CRACD: variants seen among roughly 807,000 people sequenced by gnomAD.
CRACD encodes the protein capping protein inhibiting regulator of actin dynamics.
In CRACD, 56 loss-of-function variants were observed where a neutral mutation model predicts 106.8. The observed-to-expected ratio is 0.52, with a 90% CI of 0.42 to 0.66. CRACD has a LOEUF of 0.66. Among genes scored for constraint, CRACD ranks in the 30% least tolerant of loss-of-function variants. The pLI is 0.00. For synonymous variants in CRACD, 754 were observed against 670.8 expected, an observed-to-expected ratio of 1.12 and a Z score of -1.92; for missense variants, 1,730 against 1,623.2, an observed-to-expected ratio of 1.07 and a Z score of -1.13.
At chr4:56,301,197 C>A (rs1212161558) in intron 4 of CRACD, 2 of 1,281,496 alleles carry the variant, frequency 1.6e-6, no homozygotes, top group Non-Finnish European at 2.0e-6. Context: ...ACTGAATCAT[C>A]CCCAAAAAGA....
intron 2 of CRACD, among the ~76,000 whole-genome samples, chr4:56,200,949 T>G (rs763186041): frequency 6.6e-6 from 1 of 152,196 alleles, no homozygotes; most frequent in Non-Finnish European, 1.5e-5. Context: ...AAATTTACTT[T>G]TAAAAAATGA....
intron 4 of CRACD, among the ~76,000 whole-genome samples, chr4:56,301,607 C>T (rs1034345321): frequency 6.6e-5 from 10 of 152,000 alleles, no homozygotes; most frequent in African/African-American, 2.2e-4. Flanking sequence ...CCCAGCCCTT[C>T]GAGTTCCTAG....
intron 1 of CRACD, among the ~76,000 whole-genome samples, chr4:56,150,926 G>T (rs371237895): frequency 6.6e-6 from 1 of 152,128 alleles, no homozygotes; most frequent in African/African-American, 2.4e-5. Context: ...AGATAGTGCC[G>T]AACAGTTGTC....
At chr4:56,205,013 G>A (rs1181081523) in intron 2 of CRACD, among the ~76,000 whole-genome samples, 1 of 152,028 alleles carries the variant, frequency 6.6e-6, no homozygotes, top group Non-Finnish European at 1.5e-5. Context: ...AAACTTAACC[G>A]GGTGTGGTGG....
At position 56,175,763 on chromosome 4, in the gene CRACD, G is replaced by A. The variant is rs78281275; in HGVS notation, c.-335-3521G>A. ...TTTCTCTTCGTTTGTTGTTTTCCTC[G>A]CTATGCAGAAGCTTTTTAGCTCAAT... On this transcript the variant is annotated intron_variant, in intron 1 of 10. Transcript: ENST00000682029. Among the ~76,000 whole-genome samples, 991 of 152,110 alleles carry A rather than the reference G, an allele frequency of 6.5e-3. 9 individuals carry two copies. Among genetic ancestry groups the A allele is most frequent in the African/African-American group, 0.022 (933 of 41,502 alleles).
chr4:56,295,637 C>A lies in CRACD; in HGVS notation c.-16-2577C>A, dbSNP rs1277473380. ...GCCTAGCACTGGTGTATTCTGTACA[C>A]ACAACTGTGAGAAATTAGTAAACAT... On this transcript the variant is annotated intron_variant, in intron 3 of 10. Transcript: ENST00000682029. Among the ~76,000 whole-genome samples the A allele has an allele frequency of 2.1e-5, 3 of 142,638 alleles. 1 individual carries two copies. The highest frequency in any genetic ancestry group is 4.5e-5 in the Non-Finnish European group (3 of 66,508). The allele number at this position is 142,638 out of a possible 152,430, so 93.6% of individuals were successfully genotyped here. A position where few individuals can be genotyped will look rare whatever the true frequency, so the allele number is the denominator to read the frequency against.
chr4:56,085,722 C>A (rs1733194342), intron 1 of CRACD, among the ~76,000 whole-genome samples: 1 of 152,146 alleles, frequency 6.6e-6, no homozygotes, highest in Admixed American at 6.5e-5. Flanking sequence ...TGCCCCCTTG[C>A]CTTCATTGGC....
chr4:56,224,840 T>G (rs1739217441), intron 2 of CRACD, among the ~76,000 whole-genome samples: 1 of 152,230 alleles, frequency 6.6e-6, no homozygotes, highest in Admixed American at 6.5e-5. Flanking sequence ...AGCACAAGAC[T>G]GCTCCTGGAA....
rs373757224 is a variant in CRACD at position 56,315,290 on chromosome 4, T to C, written c.1788T>C (p.Ile596=). 86 of 1,613,330 alleles carry C rather than the reference T, an allele frequency of 5.3e-5. No homozygotes were observed. Among genetic ancestry groups the C allele is most frequent in the Non-Finnish European group, 7.0e-5 (83 of 1,179,846 alleles). Residue 596 remains isoleucine (I), a synonymous_variant, in exon 8 of 11, where the codon ATT becomes ATC. Transcript: ENST00000682029. The surrounding 1 kb of genome is among the most constrained non-coding windows in gnomAD (Gnocchi z 4.1). Reference sequence around the variant, plus strand: ...CCCTGAGCGTTCCCCACACCGCCATTCTGGTCACGGGCGCGCAGCTCTGTG... The same window carrying C: ...CCCTGAGCGTTCCCCACACCGCCATCCTGGTCACGGGCGCGCAGCTCTGTG... ...PSSLSVPHTA[I]LVTGAQLCGP...
At chr4:56,244,746 AC>A (rs1239891482) in intron 2 of CRACD, among the ~76,000 whole-genome samples, 1 of 152,238 alleles carries the variant, frequency 6.6e-6, no homozygotes, top group African/African-American at 2.4e-5. Context: ...GGCCTCCAGG[AC>A]CCTGCCCAGC....
At chr4:56,269,762 A>G (rs2109640585) in intron 2 of CRACD, among the ~76,000 whole-genome samples, 1 of 152,018 alleles carries the variant, frequency 6.6e-6, no homozygotes, top group South Asian at 2.1e-4. Context: ...TTAAGCAACC[A>G]GATCTCACAA....
At chr4:56,284,292 T>TAAAAAA (rs59270238) in intron 3 of CRACD, among the ~76,000 whole-genome samples, 512 of 45,460 alleles carry the variant, frequency 0.011, 64 homozygotes, top group African/African-American at 0.026. Context: ...CATCCTAAAG[T>TAAAAAA]AAAAAAAAAA....
At chr4:56,192,691 C>G (rs1737431771) in intron 2 of CRACD, among the ~76,000 whole-genome samples, 1 of 151,862 alleles carries the variant, frequency 6.6e-6, no homozygotes, top group South Asian at 2.1e-4. Flanking sequence ...AGAAAAAAAA[C>G]CATAAACATT....
chr4:56,231,900 T>C (rs1739643397), intron 2 of CRACD, among the ~76,000 whole-genome samples: 1 of 152,224 alleles, frequency 6.6e-6, no homozygotes, highest in South Asian at 2.1e-4. Context: ...AGCTATAAAA[T>C]GGACCTTCCA....
At chr4:56,066,008 C>T (rs1732455032) in intron 1 of CRACD, among the ~76,000 whole-genome samples, 1 of 152,196 alleles carries the variant, frequency 6.6e-6, no homozygotes, top group Non-Finnish European at 1.5e-5. Flanking sequence ...GTGGTAGCAT[C>T]TATCAGAACT....
intron 1 of CRACD, among the ~76,000 whole-genome samples, chr4:56,115,770 T>C (rs1040181767): frequency 1.3e-5 from 2 of 152,176 alleles, no homozygotes; most frequent in Middle Eastern, 3.2e-3. Flanking sequence ...AAACTTCCTT[T>C]CTTACTAGAA....
chr4:56,226,663 A>G (rs557698464), intron 2 of CRACD, among the ~76,000 whole-genome samples: 1 of 152,222 alleles, frequency 6.6e-6, no homozygotes, highest in African/African-American at 2.4e-5. Context: ...GGTGGGGCCT[A>G]ATGTGAGGTG....
At chr4:56,319,613 A>G (rs1745927201) in intron 8 of CRACD, among the ~76,000 whole-genome samples, 1 of 146,284 alleles carries the variant, frequency 6.8e-6, no homozygotes. Context: ...CAAAAAAAGG[A>G]AAAAAAAAAA....
rs535433653 is a variant in CRACD, at chr4:56,323,259, G to T, written c.3188-118G>T. 263 of 824,162 alleles carry T rather than the reference G, an allele frequency of 3.2e-4. No individual in the cohort carries two copies. The African/African-American group carries it at 4.0e-3, about 12-fold the overall frequency. 51.1% of individuals were successfully genotyped at this position (824,162 alleles called of 1,614,324 possible). A position where few individuals can be genotyped will look rare whatever the true frequency, so the allele number is the denominator to read the frequency against. ...ATCAGCACAGAGGTTGTGCTAGGAA[G>T]GGGCCAGCTGAATATGCCATAGGGT... On this transcript the variant is annotated intron_variant, in intron 8 of 10. Coordinates refer to ENST00000682029, the MANE Select transcript of CRACD (RefSeq NM_001393381.1).
Sources: gnomAD v4.1 joint callset for allele counts (sites outside exome capture counted in the v4.1 genomes callset) on GRCh38, gnomAD v4.1.1 for gene constraint, Gnocchi (gnomAD v3.1) non-coding constraint, MANE v1.5 for transcripts, NCBI Gene and HGNC (gene_info 2026-07-23, HGNC 2026-07-21) for gene names.